Variants in GRIK2 observed in about 807,000 individuals in gnomAD.
GRIK2 encodes the protein glutamate ionotropic receptor kainate type subunit 2.
GRIK2 carries 32 observed loss-of-function variants against 100.3 expected under a neutral mutation model. The ratio of observed to expected loss-of-function variants is 0.32; its 90% CI spans 0.24 to 0.43. GRIK2 has a LOEUF of 0.43. Ranked by LOEUF, GRIK2 falls within the 20% of genes least tolerant of loss-of-function variation. The pLI, the probability that GRIK2 is intolerant of heterozygous loss-of-function variation, is 1.00. For synonymous variants in GRIK2, 417 were observed against 389.4 expected, an observed-to-expected ratio of 1.07 and a Z score of -0.83; for missense variants, 843 against 1,114.9, an observed-to-expected ratio of 0.76 and a Z score of 3.47.
At position 101,998,666 on chromosome 6, in the gene GRIK2, A is replaced by G. The variant is rs907277933; in HGVS notation, c.2086-36675A>G. Among the ~76,000 whole-genome samples the G allele has an allele frequency of 2.0e-5, 3 of 152,076 alleles. 1 individual carries two copies. Among genetic ancestry groups the G allele is most frequent in the African/African-American group, 7.2e-5 (3 of 41,444 alleles). ...TTTTTTGTACACGATAAAGGTATAGATGAAAGTTTTTGCTTAATTTTCCTT... is the reference window on the plus strand; with the variant it reads ...TTTTTTGTACACGATAAAGGTATAGGTGAAAGTTTTTGCTTAATTTTCCTT... On this transcript the variant is annotated intron_variant, in intron 14 of 16. Coordinates refer to ENST00000369134, the MANE Select transcript of GRIK2 (RefSeq NM_021956.5).
At chr6:101,788,354 C>A (rs1289492090) in intron 7 of GRIK2, among the ~76,000 whole-genome samples, 1 of 151,622 alleles carries the variant, frequency 6.6e-6, no homozygotes, top group Non-Finnish European at 1.5e-5. Flanking sequence ...TGCTATCCCT[C>A]CCCCCTGCCC....
chr6:101,982,555 T>C (rs1793776504), intron 14 of GRIK2, among the ~76,000 whole-genome samples: 1 of 151,566 alleles, frequency 6.6e-6, no homozygotes, highest in South Asian at 2.1e-4. Flanking sequence ...TGGTCCTGGA[T>C]AGTGAAGCTT....
chr6:101,473,134 TTCCTTCCTTCCTTCCTTCTTTCC>T (rs1772040792), intron 2 of GRIK2, among the ~76,000 whole-genome samples: 1 of 148,050 alleles, frequency 6.8e-6, no homozygotes, highest in Non-Finnish European at 1.5e-5. Context: ...CCTTCCTTCC[TTCCTTCCTTCCTTCCTTCTTTCC>T]TTCCTTCTTT....
intron 4 of GRIK2, among the ~76,000 whole-genome samples, chr6:101,644,709 T>C (rs909725637): frequency 3.3e-5 from 5 of 151,870 alleles, no homozygotes; most frequent in Non-Finnish European, 7.4e-5. Flanking sequence ...TTAATTCATA[T>C]AATGTATTTA....
intron 15 of GRIK2, among the ~76,000 whole-genome samples, chr6:102,054,390 A>G (rs904846001): frequency 6.6e-6 from 1 of 152,300 alleles, no homozygotes; most frequent in Admixed American, 6.5e-5. Context: ...TGTACACAAA[A>G]AATGGAATGT....
At chr6:101,988,126 TGTGTGTGCGCGCGCGCGCGCGCGC>T (rs1326472860) in intron 14 of GRIK2, among the ~76,000 whole-genome samples, 2 of 17,220 alleles carry the variant, frequency 1.2e-4, no homozygotes, top group Admixed American at 6.3e-4. Flanking sequence ...TGTGTGTGTG[TGTGTGTGCGCGCGCGCGCGCGCGC>T]GCGCGTGCGC....
intron 14 of GRIK2, among the ~76,000 whole-genome samples, chr6:102,003,523 T>C (rs1795054383): frequency 6.6e-6 from 1 of 151,834 alleles, no homozygotes; most frequent in Non-Finnish European, 1.5e-5. Context: ...CATTAATCTT[T>C]AACAAATAAT....
intron 2 of GRIK2, among the ~76,000 whole-genome samples, chr6:101,528,889 G>A (rs958445602): frequency 6.6e-6 from 1 of 152,114 alleles, no homozygotes; most frequent in African/African-American, 2.4e-5. Flanking sequence ...AATTTAAGAT[G>A]AGGAAGGGAT....
chr6:101,876,934 G>A (rs73496635), intron 11 of GRIK2, among the ~76,000 whole-genome samples: 11,476 of 151,858 alleles, frequency 0.076, 1,123 homozygotes, highest in African/African-American at 0.23. Context: ...CTATACATAA[G>A]CTTCTTATGT....
intron 2 of GRIK2, among the ~76,000 whole-genome samples, chr6:101,406,940 C>A (rs944624400): frequency 2.0e-5 from 3 of 152,198 alleles, no homozygotes; most frequent in Non-Finnish European, 4.4e-5. Context: ...TATTATTAAA[C>A]TAAAGTAAGA....
intron 12 of GRIK2, among the ~76,000 whole-genome samples, chr6:101,922,926 G>A (rs1017760700): frequency 3.3e-5 from 5 of 152,174 alleles, no homozygotes; most frequent in African/African-American, 1.2e-4. Flanking sequence ...TAGCATGAAA[G>A]TAATAAGGGA....
At chr6:101,818,161 G>A (rs960741963) in intron 9 of GRIK2, among the ~76,000 whole-genome samples, 16 of 152,200 alleles carry the variant, frequency 1.1e-4, no homozygotes, top group Non-Finnish European at 2.4e-4. Context: ...GAGAAGTTCA[G>A]TGGATCGTTT....
chr6:101,641,313 CCACTCTCA>C (rs1372230161), intron 4 of GRIK2, among the ~76,000 whole-genome samples: 2 of 151,902 alleles, frequency 1.3e-5, no homozygotes, highest in Non-Finnish European at 1.5e-5. Context: ...ATTCCCCATT[CCACTCTCA>C]CAATGAACTT....
intron 14 of GRIK2, among the ~76,000 whole-genome samples, chr6:101,954,548 T>G (rs1335901331): frequency 6.6e-6 from 1 of 152,182 alleles, no homozygotes; most frequent in Non-Finnish European, 1.5e-5. Flanking sequence ...GATTTTTGTA[T>G]AGTGATTTTA....
chr6:101,745,710 G>A (rs2128381040), intron 7 of GRIK2, among the ~76,000 whole-genome samples: 1 of 151,990 alleles, frequency 6.6e-6, no homozygotes, highest in East Asian at 1.9e-4. Context: ...TAACACCTTA[G>A]CTCTTCAGGG....
chr6:101,699,396 G>T (rs1772723525), intron 7 of GRIK2, among the ~76,000 whole-genome samples: 1 of 151,952 alleles, frequency 6.6e-6, no homozygotes, highest in Non-Finnish European at 1.5e-5. Context: ...GCAACAAAAG[G>T]CACCTCTGAG....
intron 9 of GRIK2, among the ~76,000 whole-genome samples, chr6:101,807,872 A>G (rs566296146): frequency 1.3e-5 from 2 of 152,134 alleles, no homozygotes; most frequent in South Asian, 2.1e-4. Flanking sequence ...CTATTTGTGT[A>G]TTCAGTCTGT....
intron 14 of GRIK2, among the ~76,000 whole-genome samples, chr6:101,969,943 T>A (rs1458685160): frequency 6.6e-6 from 1 of 152,034 alleles, no homozygotes; most frequent in Non-Finnish European, 1.5e-5. Flanking sequence ...GAGTGTGTTC[T>A]GCATGTGTAG....
At chr6:101,404,672 G>A (rs1775504465) in intron 2 of GRIK2, among the ~76,000 whole-genome samples, 1 of 152,158 alleles carries the variant, frequency 6.6e-6, no homozygotes, top group Admixed American at 6.5e-5. Flanking sequence ...ATTTTCCTCA[G>A]TAGGATGGTA....
Sources: gnomAD v4.1 joint callset for allele counts (sites outside exome capture counted in the v4.1 genomes callset) on GRCh38, gnomAD v4.1.1 for gene constraint, MANE v1.5 for transcripts, NCBI Gene and HGNC (gene_info 2026-07-23, HGNC 2026-07-21) for gene names.